SRPK2: variants seen among roughly 807,000 people sequenced by gnomAD.
SRPK2 encodes the protein SRSF protein kinase 2, also known as SFRS protein kinase 2.
Under a neutral mutation model 90.8 loss-of-function variants are expected in SRPK2, and 21 were observed. That is an observed-to-expected ratio of 0.23 (90% confidence interval 0.16 to 0.33). The LOEUF (loss-of-function observed/expected upper bound fraction) is 0.33, where lower values mean the gene tolerates loss of function less well. Among genes scored for constraint, SRPK2 ranks in the 10% least tolerant of loss-of-function variants. The pLI is 1.00. For missense variants in SRPK2, 620 were observed against 869.0 expected (o/e 0.71, Z 3.60); for synonymous variants, 288 against 311.1 (o/e 0.93, Z 0.78).
intron 11 of SRPK2, among the ~76,000 whole-genome samples, chr7:105,137,643 T>A (rs1160076376): frequency 6.6e-6 from 1 of 152,250 alleles, no homozygotes; most frequent in Non-Finnish European, 1.5e-5. Flanking sequence ...ACTAAGGCTC[T>A]GGCAGCTGAT....
chr7:105,170,550 C>T (rs1790681074), intron 3 of SRPK2, among the ~76,000 whole-genome samples: 1 of 151,314 alleles, frequency 6.6e-6, no homozygotes. Flanking sequence ...AAAAATTAGT[C>T]AGGTGTGCTG....
chr7:105,160,752 G>A (rs1585000190), intron 6 of SRPK2, 139 bp from the exon 7 acceptor site: 1 of 548,686 alleles, frequency 1.8e-6, no homozygotes, highest in South Asian at 2.6e-5. Context: ...TACCAAAAGT[G>A]AGAAAATGTT....
intron 2 of SRPK2, among the ~76,000 whole-genome samples, chr7:105,217,408 A>G (rs965969852): frequency 6.6e-6 from 1 of 152,220 alleles, no homozygotes; most frequent in Non-Finnish European, 1.5e-5. Context: ...CACCCATGAA[A>G]CCAAATACTA....
In SRPK2 at chr7:105,225,354, G is replaced by C. The variant is rs529745851; in HGVS notation, c.72-21569C>G. On this transcript the variant is annotated intron_variant, in intron 2 of 15. Transcript: ENST00000393651. The stretch of plus-strand genomic sequence containing the variant: ...AGAATCATTATGGTTCTTAACGCTA[G>C]AGCAAGCTGCAGTGAGCTGCCAACC... Among the ~76,000 whole-genome samples the C allele has an allele frequency of 9.6e-4, 146 of 152,288 alleles. 1 individual carries two copies. The South Asian group carries it at 0.03, about 31-fold the overall frequency.
chr7:105,151,170 G>A (rs1056018097), intron 7 of SRPK2, among the ~76,000 whole-genome samples: 1 of 152,200 alleles, frequency 6.6e-6, no homozygotes, highest in African/African-American at 2.4e-5. Context: ...ATAAACACAA[G>A]AAAAATACTT....
chr7:105,302,076 A>C (rs1810618248), intron 2 of SRPK2: 7 of 1,552,604 alleles, frequency 4.5e-6, no homozygotes, highest in Non-Finnish European at 6.2e-6. Context: ...GGCTCTAAGG[A>C]TGATGAGTAG....
chr7:105,303,052 C>T (rs771114796), intron 2 of SRPK2, among the ~76,000 whole-genome samples: 4 of 151,568 alleles, frequency 2.6e-5, no homozygotes, highest in East Asian at 1.9e-4. Context: ...CCAGCCTGGG[C>T]GACAGAACAA....
chr7:105,319,509 G>T lies in SRPK2; in HGVS notation c.71+69139C>A, dbSNP rs868301879. Among the ~76,000 whole-genome samples the T allele has an allele frequency of 1.5e-4, 18 of 120,858 alleles. 1 individual carries two copies. The East Asian group carries it at 5.1e-3, about 34-fold the overall frequency. 79.3% of individuals were successfully genotyped at this position (120,858 alleles called of 152,430 possible). ...TAAATTTAATGCACTTGCGGCGGGGGGGGGGGGGGCGGTGGATGGCAGGGG... is the reference window on the plus strand; with the variant it reads ...TAAATTTAATGCACTTGCGGCGGGGTGGGGGGGGGCGGTGGATGGCAGGGG... On this transcript the variant is annotated intron_variant, in intron 2 of 15. Transcript: ENST00000393651.
intron 2 of SRPK2, among the ~76,000 whole-genome samples, chr7:105,253,675 C>T (rs551356846): frequency 1.1e-4 from 16 of 152,232 alleles, no homozygotes; most frequent in African/African-American, 3.9e-4. Flanking sequence ...GCCCCTGTCC[C>T]CCACAAAAGT....
chr7:105,313,905 A>C (rs1405186412), intron 2 of SRPK2, among the ~76,000 whole-genome samples: 2 of 152,228 alleles, frequency 1.3e-5, no homozygotes, highest in Admixed American at 1.3e-4. Context: ...GCAGTATACA[A>C]ATGAAAAAAC....
At chr7:105,340,883 C>A (rs1815690420) in intron 2 of SRPK2, among the ~76,000 whole-genome samples, 1 of 152,026 alleles carries the variant, frequency 6.6e-6, no homozygotes, top group Non-Finnish European at 1.5e-5. Context: ...TAAAAGGCTG[C>A]AATAAAGACT....
chr7:105,344,952 A>T (rs191206527), intron 2 of SRPK2, among the ~76,000 whole-genome samples: 4 of 152,018 alleles, frequency 2.6e-5, no homozygotes, highest in African/African-American at 4.8e-5. Context: ...CCTGGCCAAC[A>T]TGGTGAAACC....
At chr7:105,373,200 G>A (rs117408638) in intron 2 of SRPK2, among the ~76,000 whole-genome samples, 1,965 of 152,100 alleles carry the variant, frequency 0.013, 26 homozygotes, top group South Asian at 0.043. Flanking sequence ...ACCAACTAAT[G>A]AAATAATGAT....
At chr7:105,278,301 C>T (rs1041443951) in intron 2 of SRPK2, among the ~76,000 whole-genome samples, 3 of 137,834 alleles carry the variant, frequency 2.2e-5, no homozygotes, top group South Asian at 2.4e-4. Flanking sequence ...GGCGACACAG[C>T]GAGATTCTGT....
chr7:105,373,323 G>A (rs1258210165), intron 2 of SRPK2, among the ~76,000 whole-genome samples: 1 of 150,122 alleles, frequency 6.7e-6, no homozygotes, highest in Non-Finnish European at 1.5e-5. Context: ...ATTCTCCTTA[G>A]ACTTCTCTCC....
intron 2 of SRPK2, among the ~76,000 whole-genome samples, chr7:105,309,587 A>T (rs1454078081): frequency 6.6e-6 from 1 of 152,198 alleles, no homozygotes; most frequent in African/African-American, 2.4e-5. Context: ...CAAAAACACC[A>T]ATCTGTGGCA....
chr7:105,195,824 CTATT>C (rs1466325218), intron 3 of SRPK2, among the ~76,000 whole-genome samples: 1 of 152,216 alleles, frequency 6.6e-6, no homozygotes, highest in Non-Finnish European at 1.5e-5. Context: ...TTTGAGCAGT[CTATT>C]CATTCAGTCA....
chr7:105,161,168 A>G (rs1227316978), intron 6 of SRPK2, among the ~76,000 whole-genome samples: 1 of 151,784 alleles, frequency 6.6e-6, no homozygotes, highest in Non-Finnish European at 1.5e-5. Context: ...CTCATGATCC[A>G]CCCGCCTTGG....
At chr7:105,214,290 G>A (rs929330067) in intron 2 of SRPK2, among the ~76,000 whole-genome samples, 4 of 152,166 alleles carry the variant, frequency 2.6e-5, no homozygotes, top group African/African-American at 4.8e-5. Flanking sequence ...AAGGTTAGCT[G>A]AAAAAGAGTT....
Sources: gnomAD v4.1 joint callset for allele counts (sites outside exome capture counted in the v4.1 genomes callset) on GRCh38, gnomAD v4.1.1 for gene constraint, MANE v1.5 for transcripts, NCBI Gene and HGNC (gene_info 2026-07-23, HGNC 2026-07-21) for gene names.